Variants in HHAT observed in about 807,000 individuals in gnomAD.
HHAT encodes protein-cysteine N-palmitoyltransferase HHAT.
A neutral mutation model predicts 70.8 loss-of-function variants in HHAT; 47 were observed. The observed-to-expected ratio is 0.66, with a 90% CI of 0.53 to 0.85. The LOEUF (loss-of-function observed/expected upper bound fraction) is 0.85, where lower values mean the gene tolerates loss of function less well. HHAT is among the 40% of genes least tolerant of loss of function. The pLI is 0.00. For synonymous variants in HHAT, 228 were observed against 247.6 expected, an observed-to-expected ratio of 0.92 and a Z score of 0.74; for missense variants, 609 against 604.8, an observed-to-expected ratio of 1.01 and a Z score of -0.07.
At chr1:210,398,688 A>G (rs566023812) in intron 4 of HHAT, among the ~76,000 whole-genome samples, 44 of 152,380 alleles carry the variant, frequency 2.9e-4, no homozygotes, top group Non-Finnish European at 4.9e-4. Flanking sequence ...GTAGCCACAC[A>G]TGCACAAAAA....
intron 8 of HHAT, among the ~76,000 whole-genome samples, chr1:210,484,334 T>C (rs918727272): frequency 6.6e-6 from 1 of 152,198 alleles, no homozygotes; most frequent in Non-Finnish European, 1.5e-5. Flanking sequence ...GAGATTGATA[T>C]TATGCATTCT....
At chr1:210,410,246 C>T (rs193207243) in intron 6 of HHAT, among the ~76,000 whole-genome samples, 9 of 150,998 alleles carry the variant, frequency 6.0e-5, no homozygotes, top group Admixed American at 3.3e-4. Context: ...TTAGTAGAGA[C>T]GAGGTTTCAT....
At chr1:210,444,669 A>G (rs930561822) in intron 7 of HHAT, among the ~76,000 whole-genome samples, 4 of 152,102 alleles carry the variant, frequency 2.6e-5, no homozygotes, top group Non-Finnish European at 5.9e-5. Context: ...GGTAGTTTGT[A>G]TTTCTGCACA....
chr1:210,447,340 T>C (rs556623475), intron 7 of HHAT, among the ~76,000 whole-genome samples: 20 of 152,292 alleles, frequency 1.3e-4, no homozygotes, highest in Admixed American at 1.1e-3. Flanking sequence ...GAGACTACCA[T>C]AGGGTGCTTC....
At chr1:210,484,409 T>G (rs1490118825) in intron 8 of HHAT, among the ~76,000 whole-genome samples, 2 of 152,158 alleles carry the variant, frequency 1.3e-5, no homozygotes, top group African/African-American at 4.8e-5. Context: ...AGGGACACCA[T>G]GTCCAACTCT....
intron 9 of HHAT, among the ~76,000 whole-genome samples, chr1:210,546,204 T>C (rs2095481978): frequency 6.6e-6 from 1 of 152,122 alleles, no homozygotes. Context: ...CTTGGAGACA[T>C]AAAAATGGGA....
chr1:210,420,313 T>C (rs2092859363), intron 7 of HHAT, among the ~76,000 whole-genome samples: 1 of 152,238 alleles, frequency 6.6e-6, no homozygotes, highest in Non-Finnish European at 1.5e-5. Context: ...TGTTAAGACA[T>C]GTAACTAGGT....
chr1:210,581,651 A>C (rs1659285988), intron 9 of HHAT, among the ~76,000 whole-genome samples: 1 of 152,192 alleles, frequency 6.6e-6, no homozygotes, highest in African/African-American at 2.4e-5. Context: ...CATACTTTTG[A>C]CTTTAGTAGG....
In HHAT at chr1:210,674,800, T is replaced by C. The variant is rs1680866231; in HGVS notation, c.*421T>C. The C allele has an allele frequency of 6.4e-6, 1 of 157,194 alleles. No individual in the cohort carries two copies. The highest frequency in any genetic ancestry group is 6.4e-5 in the Admixed American group (1 of 15,746). 9.7% of individuals were successfully genotyped at this position (157,194 alleles called of 1,614,324 possible). A position where few individuals can be genotyped will look rare whatever the true frequency, so the allele number is the denominator to read the frequency against. On this transcript the variant is annotated 3_prime_UTR_variant, in exon 12 of 12. Transcript: ENST00000261458. ...CTTCTGGGCAATATTTCTAAAATAT[T>C]TGAGTGACATTGATGTTTAAGTGAC...
At chr1:210,487,078 C>A (rs2148502344) in intron 8 of HHAT, among the ~76,000 whole-genome samples, 1 of 152,282 alleles carries the variant, frequency 6.6e-6, no homozygotes, top group African/African-American at 2.4e-5. Flanking sequence ...ATGTCCAGAT[C>A]TTGATGCAGA....
chr1:210,655,367 G>A (rs1676168414), intron 11 of HHAT, among the ~76,000 whole-genome samples: 1 of 152,170 alleles, frequency 6.6e-6, no homozygotes, highest in African/African-American at 2.4e-5. Context: ...GCCCTGTTCT[G>A]TCTCCTCTGA....
At chr1:210,385,151 A>G (rs1467713748) in intron 3 of HHAT, among the ~76,000 whole-genome samples, 1 of 151,954 alleles carries the variant, frequency 6.6e-6, no homozygotes. Flanking sequence ...AAAAAATTAA[A>G]CTTGGAGAAG....
chr1:210,540,139 C>T (rs551205013), intron 9 of HHAT, among the ~76,000 whole-genome samples: 20 of 62,092 alleles, frequency 3.2e-4, no homozygotes, highest in East Asian at 1.6e-3. Context: ...AGAAGATGGC[C>T]GAGGGCTTGG....
chr1:210,577,654 T>TC (rs1558199119), intron 9 of HHAT, among the ~76,000 whole-genome samples: 1 of 129,894 alleles, frequency 7.7e-6, no homozygotes, highest in East Asian at 2.1e-4. Context: ...TTTTTTTTTT[T>TC]TTTTTTTTTT....
intron 9 of HHAT, among the ~76,000 whole-genome samples, chr1:210,547,757 A>G (rs1258969438): frequency 1.3e-5 from 2 of 152,162 alleles, no homozygotes. Context: ...CATAGCTTTA[A>G]TTTATACATT....
intron 2 of HHAT, among the ~76,000 whole-genome samples, chr1:210,357,234 T>TG (rs150602527): frequency 0.027 from 4,108 of 152,196 alleles, 182 homozygotes; most frequent in African/African-American, 0.093. Context: ...AGGTAGGTGT[T>TG]GGGGGTTCAG....
intron 3 of HHAT, among the ~76,000 whole-genome samples, chr1:210,383,916 C>G (rs1285902856): frequency 1.3e-5 from 2 of 152,140 alleles, no homozygotes; most frequent in Non-Finnish European, 2.9e-5. Context: ...AGTTGAGTTG[C>G]AGCACTGTTA....
At chr1:210,517,056 T>C (rs961869277) in intron 9 of HHAT, among the ~76,000 whole-genome samples, 15 of 152,192 alleles carry the variant, frequency 9.9e-5, no homozygotes, top group Non-Finnish European at 1.5e-4. Context: ...GAAGCAGCAA[T>C]CACAACTCAC....
chr1:210,581,732 T>C (rs1659304356), intron 9 of HHAT, among the ~76,000 whole-genome samples: 1 of 152,216 alleles, frequency 6.6e-6, no homozygotes, highest in Non-Finnish European at 1.5e-5. Flanking sequence ...GGAATAGGTG[T>C]CTTCCAAAGT....
Sources: gnomAD v4.1 joint callset for allele counts (sites outside exome capture counted in the v4.1 genomes callset) on GRCh38, gnomAD v4.1.1 for gene constraint, MANE v1.5 for transcripts, NCBI Gene and HGNC (gene_info 2026-07-23, HGNC 2026-07-21) for gene names.